PRDM5: variants seen among roughly 807,000 people sequenced by gnomAD.
PRDM5 encodes the protein PR domain zinc finger protein 5.
A neutral mutation model predicts 81.2 loss-of-function variants in PRDM5; 56 were observed. That is an observed-to-expected ratio of 0.69 (90% CI 0.56 to 0.86). The LOEUF is 0.86. Ranked by LOEUF, PRDM5 falls within the 40% of genes least tolerant of loss-of-function variation. PRDM5 has a pLI of 0.00. For synonymous variants in PRDM5, 267 were observed against 256.4 expected, an observed-to-expected ratio of 1.04 and a Z score of -0.39; for missense variants, 697 against 770.1, an observed-to-expected ratio of 0.91 and a Z score of 1.12.
intron 2 of PRDM5, among the ~76,000 whole-genome samples, chr4:120,854,562 A>C (rs1489893053): frequency 6.6e-6 from 1 of 152,174 alleles, no homozygotes; most frequent in East Asian, 1.9e-4. Context: ...ACATCTGAAC[A>C]ATCATTTGTT....
intron 6 of PRDM5, 61 bp downstream of exon 6, chr4:120,816,771 T>C: frequency 2.6e-6 from 4 of 1,514,898 alleles, no homozygotes; most frequent in East Asian, 2.3e-5. Context: ...AGCATGAAAG[T>C]ATGCATGCAA....
intron 2 of PRDM5, among the ~76,000 whole-genome samples, chr4:120,858,398 T>G (rs1760131319): frequency 8.5e-6 from 1 of 118,118 alleles, no homozygotes; most frequent in South Asian, 2.4e-4. Flanking sequence ...CGGCACATTG[T>G]TTGTCAGATT....
intron 14 of PRDM5, among the ~76,000 whole-genome samples, chr4:120,742,797 G>A (rs1360106697): frequency 3.3e-5 from 5 of 151,892 alleles, no homozygotes; most frequent in South Asian, 2.1e-4. Flanking sequence ...CCAAATCTAC[G>A]TCTGATTGGT....
At chr4:120,885,134 C>CAAAAAAA (rs60623556) in intron 2 of PRDM5, among the ~76,000 whole-genome samples, 16 of 50,658 alleles carry the variant, frequency 3.2e-4, no homozygotes, top group African/African-American at 8.1e-4. Context: ...GACTCCGTAT[C>CAAAAAAA]AAAAAAAAAA....
At chr4:120,730,096 G>A (rs1299609067) in intron 14 of PRDM5, among the ~76,000 whole-genome samples, 2 of 152,096 alleles carry the variant, frequency 1.3e-5, no homozygotes, top group Non-Finnish European at 2.9e-5. Flanking sequence ...TGAAGAATAC[G>A]GTTTTTAAGA....
intron 2 of PRDM5, among the ~76,000 whole-genome samples, chr4:120,865,315 A>C (rs1761080182): frequency 6.6e-6 from 1 of 152,200 alleles, no homozygotes; most frequent in African/African-American, 2.4e-5. Flanking sequence ...CCTCACTCTG[A>C]GAAAAACATA....
intron 11 of PRDM5, among the ~76,000 whole-genome samples, chr4:120,783,271 CT>C (rs1561216075): frequency 6.6e-6 from 1 of 152,064 alleles, no homozygotes; most frequent in East Asian, 1.9e-4. Flanking sequence ...CCTAAAATAA[CT>C]CATTTACTCA....
At position 120,773,055 on chromosome 4, in the gene PRDM5, T is replaced by C. The variant is rs114534883; in HGVS notation, c.1537+4133A>G. Among the ~76,000 whole-genome samples the C allele has an allele frequency of 3.3e-3, 501 of 152,334 alleles. 5 individuals carry two copies. The highest frequency in any genetic ancestry group is 0.011 in the African/African-American group (471 of 41,578). On this transcript the variant is annotated intron_variant, in intron 13 of 15. Coordinates refer to ENST00000264808, the MANE Select transcript of PRDM5 (RefSeq NM_018699.4). ...GTTCTAACCTTTGTGTATAATCTTT[T>C]TAATATTTGGAAATTAAGCTGAAAG...
At chr4:120,787,407 C>G (rs756977961) in intron 10 of PRDM5, among the ~76,000 whole-genome samples, 6 of 152,152 alleles carry the variant, frequency 3.9e-5, no homozygotes, top group Non-Finnish European at 5.9e-5. Flanking sequence ...AGAGATGTAA[C>G]TTTCTGCAGG....
Position 120,832,615 on chromosome 4 carries a change from C to T in PRDM5, c.301-11270G>A, listed in dbSNP as rs183395403. 6.6e-5 allele frequency among the ~76,000 whole-genome samples: 10 copies of T among 152,234 alleles called. No individual in the cohort carries two copies. The East Asian group carries it at 1.9e-3, about 29-fold the overall frequency. ...TATATCATATTCACCTTTGTGCAAC[C>T]TCAGTACCTGATGTGACACTTTGCT... On this transcript the variant is annotated intron_variant, in intron 3 of 15. Transcript: ENST00000264808.
chr4:120,863,933 G>A (rs76424672), intron 2 of PRDM5, among the ~76,000 whole-genome samples: 289 of 152,282 alleles, frequency 1.9e-3, no homozygotes, highest in Non-Finnish European at 3.5e-3. Context: ...TTTTGTGGCT[G>A]GAGCAGCAAA....
At chr4:120,840,508 T>C (rs1239301156) in intron 3 of PRDM5, among the ~76,000 whole-genome samples, 2 of 152,118 alleles carry the variant, frequency 1.3e-5, no homozygotes, top group African/African-American at 4.8e-5. Context: ...AGTGACTGCA[T>C]GGCTGGCCGG....
At chr4:120,907,430 C>T (rs1219024807) in intron 2 of PRDM5, 44 bp downstream of exon 2, 5 of 1,435,598 alleles carry the variant, frequency 3.5e-6, no homozygotes, top group Admixed American at 1.7e-5. Flanking sequence ...TTAAATGGTA[C>T]AATACAAATA....
intron 15 of PRDM5, among the ~76,000 whole-genome samples, chr4:120,700,168 C>T (rs184019331): frequency 6.6e-6 from 1 of 152,174 alleles, no homozygotes; most frequent in East Asian, 1.9e-4. Flanking sequence ...TGATCTTTGA[C>T]AAGGTTGACA....
intron 11 of PRDM5, among the ~76,000 whole-genome samples, chr4:120,783,444 C>A (rs1025484824): frequency 6.6e-6 from 1 of 152,024 alleles, no homozygotes; most frequent in African/African-American, 2.4e-5. Flanking sequence ...AACAAAAAAA[C>A]TGAAAGCAAA....
rs1736228769 is a variant in PRDM5 at position 120,706,761 on chromosome 4, TA to T, written c.1728+3547del. 9.8e-5 allele frequency among the ~76,000 whole-genome samples: 3 copies of T among 30,762 alleles called. No homozygotes were observed. The Admixed American group carries it at 1.3e-3, about 13-fold the overall frequency. 20.2% of individuals were successfully genotyped at this position (30,762 alleles called of 152,430 possible). On this transcript the variant is annotated intron_variant, in intron 15 of 15. Coordinates refer to ENST00000264808, the MANE Select transcript of PRDM5 (RefSeq NM_018699.4). ...ATATATGTCCATTATATAAATTTTA[TA>T]TATATATATATATATGCCCATTTTA...
intron 14 of PRDM5, among the ~76,000 whole-genome samples, chr4:120,748,279 C>G (rs1240461611): frequency 1.3e-5 from 2 of 152,124 alleles, no homozygotes; most frequent in Non-Finnish European, 2.9e-5. Context: ...TGGGGTACCC[C>G]CAAGGCCCAA....
intron 14 of PRDM5, among the ~76,000 whole-genome samples, chr4:120,725,281 T>C (rs1045214235): frequency 2.0e-5 from 3 of 152,170 alleles, no homozygotes; most frequent in Admixed American, 2.0e-4. Flanking sequence ...GTTGTTTTTT[T>C]TTTTTCTGTA....
chr4:120,808,704 G>A lies in PRDM5; in HGVS notation c.945+2666C>T, dbSNP rs539064626. Reference sequence around the variant, plus strand: ...AGGCTCGGGCTGCACAGGAGCCCACGGCAATGGGGAGGCTCAGGCACGGTG... The same window carrying A: ...AGGCTCGGGCTGCACAGGAGCCCACAGCAATGGGGAGGCTCAGGCACGGTG... On this transcript the variant is annotated intron_variant, in intron 8 of 15. Coordinates refer to ENST00000264808, the MANE Select transcript of PRDM5 (RefSeq NM_018699.4). Among the ~76,000 whole-genome samples, 41 of 152,268 alleles carry A rather than the reference G, an allele frequency of 2.7e-4. 1 individual carries two copies. The highest frequency in any genetic ancestry group is 1.2e-3 in the Admixed American group (18 of 15,304).
Sources: allele counts gnomAD v4.1 joint callset (sites outside exome capture counted in the v4.1 genomes callset), GRCh38; gene constraint gnomAD v4.1.1; transcripts MANE v1.5; gene names NCBI Gene and HGNC (gene_info 2026-07-23, HGNC 2026-07-21).